PDSS2: variants seen among roughly 807,000 people sequenced by gnomAD.
PDSS2 encodes the protein all trans-polyprenyl-diphosphate synthase PDSS2.
In PDSS2, 31 loss-of-function variants were observed where a neutral mutation model predicts 44.5. The ratio of observed to expected loss-of-function variants is 0.70; its 90% CI spans 0.52 to 0.94. PDSS2 has a LOEUF of 0.94. Among genes scored for constraint, PDSS2 ranks in the 40% least tolerant of loss-of-function variants. The pLI, the probability that PDSS2 is intolerant of heterozygous loss-of-function variation, is 0.00. For missense variants in PDSS2, 452 were observed against 482.2 expected (o/e 0.94, Z 0.59); for synonymous variants, 157 against 180.3 (o/e 0.87, Z 1.03).
At chr6:107,156,933 C>T (rs1423553430) in intron 7 of PDSS2, among the ~76,000 whole-genome samples, 1 of 152,208 alleles carries the variant, frequency 6.6e-6, no homozygotes, top group Non-Finnish European at 1.5e-5. Flanking sequence ...TACATTAGTT[C>T]AGGCCATCAT....
At chr6:107,398,638 CCTCCCATA>C (rs1029252661) in intron 1 of PDSS2, among the ~76,000 whole-genome samples, 1 of 152,202 alleles carries the variant, frequency 6.6e-6, no homozygotes, top group Non-Finnish European at 1.5e-5. Flanking sequence ...TGGCCCTCAG[CCTCCCATA>C]CTGCCATAGC....
chr6:107,317,943 C>T (rs1582934210), intron 2 of PDSS2, among the ~76,000 whole-genome samples: 1 of 152,130 alleles, frequency 6.6e-6, no homozygotes, highest in Non-Finnish European at 1.5e-5. Flanking sequence ...CAATGTATTC[C>T]CCCTCCCCCC....
At chr6:107,362,374 C>A (rs1205011820) in intron 1 of PDSS2, among the ~76,000 whole-genome samples, 7 of 152,216 alleles carry the variant, frequency 4.6e-5, no homozygotes, top group Non-Finnish European at 1.0e-4. Context: ...TTCAGCGTAA[C>A]TTCTGACCAG....
intron 7 of PDSS2, among the ~76,000 whole-genome samples, chr6:107,185,831 C>A (rs945139433): frequency 6.6e-6 from 1 of 152,168 alleles, no homozygotes; most frequent in Non-Finnish European, 1.5e-5. Flanking sequence ...AACCTTGAGG[C>A]CAGAAGCCTA....
chr6:107,387,345 G>A (rs1397602332), intron 1 of PDSS2, among the ~76,000 whole-genome samples: 1 of 152,210 alleles, frequency 6.6e-6, no homozygotes, highest in Non-Finnish European at 1.5e-5. Flanking sequence ...AATATTAGCA[G>A]TTTTCATTTA....
At chr6:107,190,668 T>C (rs1407950872) in intron 7 of PDSS2, among the ~76,000 whole-genome samples, 7 of 152,028 alleles carry the variant, frequency 4.6e-5, no homozygotes, top group African/African-American at 1.7e-4. Context: ...TTAAGCTTCA[T>C]AGGATGAGCA....
At chr6:107,332,873 C>T (rs1180920443) in intron 2 of PDSS2, among the ~76,000 whole-genome samples, 1 of 152,204 alleles carries the variant, frequency 6.6e-6, no homozygotes, top group Non-Finnish European at 1.5e-5. Context: ...GATCACAAGA[C>T]ATCCCTTATA....
intron 7 of PDSS2, among the ~76,000 whole-genome samples, chr6:107,158,730 C>CT (rs35730527): frequency 0.42 from 62,140 of 149,576 alleles, 14,036 homozygotes; most frequent in South Asian, 0.53. Context: ...TAACTGTTTT[C>CT]TTTTTTTTTT....
intron 7 of PDSS2, among the ~76,000 whole-genome samples, chr6:107,186,725 CTG>C (rs1168380019): frequency 6.6e-6 from 1 of 152,078 alleles, no homozygotes; most frequent in African/African-American, 2.4e-5. Context: ...TTTTCTGTTC[CTG>C]TGTTAGTTTG....
At chr6:107,219,620 C>G (rs1339547264) in intron 4 of PDSS2, among the ~76,000 whole-genome samples, 1 of 152,164 alleles carries the variant, frequency 6.6e-6, no homozygotes, top group Non-Finnish European at 1.5e-5. Context: ...ATCCAGATAT[C>G]ACTTCTTTGA....
In PDSS2 at chr6:107,289,381, AAAAAAGAAAGAAAG is replaced by A. The variant is rs779163905; in HGVS notation, c.432-15168_432-15155del. On this transcript the variant is annotated intron_variant, in intron 2 of 7. Coordinates refer to ENST00000369037, the MANE Select transcript of PDSS2 (RefSeq NM_020381.4). ...GAGCGAGACTCTGTCTCAAAAAAAA[AAAAAAGAAAGAAAG>A]AAAAAGAAATGGAGGCCAGGTGCAG... Among the ~76,000 whole-genome samples the A allele has an allele frequency of 5.1e-4, 77 of 150,222 alleles. No homozygotes were observed. In the East Asian group the frequency reaches 0.011, roughly 22 times the overall value.
chr6:107,269,909 C>T (rs554577067), intron 3 of PDSS2, among the ~76,000 whole-genome samples: 13 of 152,156 alleles, frequency 8.5e-5, no homozygotes, highest in African/African-American at 2.9e-4. Flanking sequence ...TCAAGTGATC[C>T]GCCTGCCTTA....
intron 2 of PDSS2, among the ~76,000 whole-genome samples, chr6:107,299,086 G>T (rs1246466388): frequency 7.2e-6 from 1 of 139,346 alleles, no homozygotes. Context: ...GGTTGAAGCT[G>T]CAGTGAGCTG....
chr6:107,303,140 A>G (rs990010443), intron 2 of PDSS2, among the ~76,000 whole-genome samples: 2 of 152,204 alleles, frequency 1.3e-5, no homozygotes, highest in Non-Finnish European at 2.9e-5. Flanking sequence ...GTGTCATTCC[A>G]TCGCAGAAGA....
chr6:107,320,701 G>A (rs1243779044), intron 2 of PDSS2, among the ~76,000 whole-genome samples: 1 of 152,094 alleles, frequency 6.6e-6, no homozygotes, highest in African/African-American at 2.4e-5. Flanking sequence ...ATTATATAGA[G>A]CCCCACCAAA....
chr6:107,438,297 C>T (rs1781415155), intron 1 of PDSS2, among the ~76,000 whole-genome samples: 2 of 152,086 alleles, frequency 1.3e-5, no homozygotes, highest in African/African-American at 4.8e-5. Flanking sequence ...CAACTTCCAC[C>T]CCCAGGGTTC....
In PDSS2 at chr6:107,423,638, T is replaced by C. The variant is rs1418955320; in HGVS notation, c.296+35352A>G. On this transcript the variant is annotated intron_variant, in intron 1 of 7. Coordinates refer to ENST00000369037, the MANE Select transcript of PDSS2 (RefSeq NM_020381.4). The stretch of plus-strand genomic sequence containing the variant: ...GGATTATATCACTCTCCCGAAGCCC[T>C]TCCAGCATTTAAAGAAGTTTTTTGT... Among the ~76,000 whole-genome samples the C allele has an allele frequency of 3.9e-5, 6 of 152,216 alleles. No individual in the cohort carries two copies. The East Asian group carries it at 9.6e-4, about 24-fold the overall frequency.
chr6:107,198,049 T>C (rs182632425), intron 6 of PDSS2, among the ~76,000 whole-genome samples: 354 of 152,316 alleles, frequency 2.3e-3, no homozygotes, highest in Non-Finnish European at 4.0e-3. Context: ...TAAGGACATC[T>C]AGAATAGCCC....
intron 7 of PDSS2, among the ~76,000 whole-genome samples, chr6:107,186,771 C>T (rs1300180018): frequency 6.6e-6 from 1 of 152,110 alleles, no homozygotes; most frequent in Non-Finnish European, 1.5e-5. Context: ...CATCCGTATC[C>T]CTGCAAAGGA....
Sources: allele counts gnomAD v4.1 joint callset (sites outside exome capture counted in the v4.1 genomes callset), GRCh38; gene constraint gnomAD v4.1.1; transcripts MANE v1.5; gene names NCBI Gene and HGNC (gene_info 2026-07-23, HGNC 2026-07-21).